The following RBM6 variants were observed in gnomAD, a reference collection of about 807,000 sequenced individuals.
The protein encoded by RBM6 is RNA binding motif protein 6.
In RBM6, 23 loss-of-function variants were observed where a neutral mutation model predicts 140.4. That is an observed-to-expected ratio of 0.16 (90% CI 0.12 to 0.23). The LOEUF (loss-of-function observed/expected upper bound fraction) is 0.23, where lower values mean the gene tolerates loss of function less well. Among genes scored for constraint, RBM6 ranks in the 10% least tolerant of loss-of-function variants. RBM6 has a pLI of 1.00. For missense variants in RBM6, 1,139 were observed against 1,386.7 expected (o/e 0.82, Z 2.84); for synonymous variants, 439 against 475.6 (o/e 0.92, Z 1.00).
intron 6 of RBM6, among the ~76,000 whole-genome samples, chr3:50,003,493 A>C (rs1386586627): frequency 6.6e-6 from 1 of 152,110 alleles, no homozygotes; most frequent in Non-Finnish European, 1.5e-5. Context: ...ACTCTTTGCT[A>C]TTCCGACTCT....
At chr3:49,992,013 A>G (rs1362215550) in intron 5 of RBM6, among the ~76,000 whole-genome samples, 1 of 151,824 alleles carries the variant, frequency 6.6e-6, no homozygotes. Context: ...ATGCAGTGGC[A>G]AAGTCATGGC....
At chr3:50,010,169 G>C (rs1325288706) in intron 6 of RBM6, among the ~76,000 whole-genome samples, 1 of 152,196 alleles carries the variant, frequency 6.6e-6, no homozygotes, top group African/African-American at 2.4e-5. Flanking sequence ...TTACAGGCGT[G>C]AGTGATGGCA....
intron 7 of RBM6, among the ~76,000 whole-genome samples, chr3:50,053,699 T>G (rs2089578071): frequency 6.6e-6 from 1 of 152,218 alleles, no homozygotes; most frequent in Non-Finnish European, 1.5e-5. Context: ...CCCCATGGCA[T>G]TTGGAAGCTC....
intron 1 of RBM6, among the ~76,000 whole-genome samples, chr3:49,944,050 G>A (rs1300439344): frequency 1.3e-5 from 2 of 152,078 alleles, no homozygotes; most frequent in Non-Finnish European, 2.9e-5. Flanking sequence ...CTACTTAGTA[G>A]TAGTAAGTAC....
chr3:50,030,490 T>G (rs187364313), intron 6 of RBM6, among the ~76,000 whole-genome samples: 1 of 152,136 alleles, frequency 6.6e-6, no homozygotes, highest in African/African-American at 2.4e-5. Context: ...TACCTACTTT[T>G]TTCCTACAAC....
At position 50,070,576 on chromosome 3, in the gene RBM6, G is replaced by T. The variant is rs556399444; in HGVS notation, c.3116+24G>T. The T allele has an allele frequency of 1.7e-5, 26 of 1,554,730 alleles. No homozygotes were observed. In the East Asian group the frequency reaches 2.7e-4, roughly 16 times the overall value. ...AGGTAAGCCAGGAACTCTTCATTCA[G>T]CCTAGGCCTCAAGCCTAATGATAAA... On this transcript the variant is annotated intron_variant, in intron 19 of 20. Transcript: ENST00000266022.
intron 18 of RBM6, among the ~76,000 whole-genome samples, chr3:50,069,703 A>G (rs2090238865): frequency 6.6e-6 from 1 of 152,056 alleles, no homozygotes; most frequent in Non-Finnish European, 1.5e-5. Context: ...ACCAAACAAA[A>G]GAATCCACCT....
At position 50,057,788 on chromosome 3, in the gene RBM6, C is replaced by T. The variant is rs763314377; in HGVS notation, c.1754C>T (p.Ala585Val). Residue 585 changes from alanine to valine, a missense_variant, in exon 9 of 21, where the codon GCA becomes GTA. Physicochemically the swap from Ala to Val is moderately conservative, Grantham distance 64 (BLOSUM62 0). Around this residue, in one of 9 missense-constraint regions of RBM6, gnomAD observed 109 missense variants for 101.9 expected, o/e 1.07. Coordinates refer to ENST00000266022, the MANE Select transcript of RBM6 (RefSeq NM_005777.3). ...CAGCCTCAGAAAACATCCATACCAG[C>T]ACCATTGGAAAAACAGCCCAACCAG... ...YPQPQKTSIP[A>V]PLEKQPNQPL... 1 of 1,613,366 alleles carries T rather than the reference C, an allele frequency of 6.2e-7. No individual in the cohort carries two copies. Among genetic ancestry groups the T allele is most frequent in the South Asian group, 1.1e-5 (1 of 91,066 alleles).
rs1428548275 is a variant in RBM6, at chr3:49,968,000, A to G, written c.575A>G (p.His192Arg). The G allele has an allele frequency of 6.2e-7, 1 of 1,614,182 alleles. No homozygotes were observed. Among genetic ancestry groups the G allele is most frequent in the Admixed American group, 1.7e-5 (1 of 60,020 alleles). ...GATTTTAGAGGCCGGGATGGATCCC[A>G]TGCAGATTTTAGGGGAAGGGATTTA... ...DLDFRGRDGSHADFRGRDLSD... is the reference protein window; with the variant it reads ...DLDFRGRDGSRADFRGRDLSD... The change falls in exon 3 of 21, where the codon CAT becomes CGT. Residue 192 changes from histidine to arginine, a missense_variant. His to Arg is a conservative substitution (Grantham distance 29). Coordinates refer to ENST00000266022, the MANE Select transcript of RBM6 (RefSeq NM_005777.3). The surrounding 1 kb of genome is among the most constrained non-coding windows in gnomAD (Gnocchi z 4.0).
Position 50,046,472 on chromosome 3 carries a change from G to A in RBM6, c.1558-1773G>A, listed in dbSNP as rs569751336. Among the ~76,000 whole-genome samples, 3 of 151,582 alleles carry A rather than the reference G, an allele frequency of 2.0e-5. No individual in the cohort carries two copies. The South Asian group carries it at 6.3e-4, about 32-fold the overall frequency. Reference sequence around the variant, plus strand: ...CATATATCTATAATCCCAGCTACTCGGGAGGCTGAGGCAGGAGACTCGCTT... The same window carrying A: ...CATATATCTATAATCCCAGCTACTCAGGAGGCTGAGGCAGGAGACTCGCTT... On this transcript the variant is annotated intron_variant, in intron 6 of 20. Transcript: ENST00000266022.
intron 17 of RBM6, among the ~76,000 whole-genome samples, chr3:50,067,297 C>T (rs569384427): frequency 1.3e-4 from 19 of 150,946 alleles, no homozygotes; most frequent in African/African-American, 4.1e-4. Flanking sequence ...GAATGAATTG[C>T]TCTGGATTAA....
chr3:49,974,040 G>A (rs1389699788), intron 4 of RBM6, among the ~76,000 whole-genome samples: 1 of 151,976 alleles, frequency 6.6e-6, no homozygotes, highest in Non-Finnish European at 1.5e-5. Context: ...TGGGACTACA[G>A]GCATGTGCCA....
At chr3:49,981,303 C>T (rs960669019) in intron 5 of RBM6, among the ~76,000 whole-genome samples, 1 of 152,170 alleles carries the variant, frequency 6.6e-6, no homozygotes, top group Non-Finnish European at 1.5e-5. Context: ...AGAGTGGATC[C>T]TGGACCATCA....
intron 1 of RBM6, among the ~76,000 whole-genome samples, chr3:49,946,175 T>C (rs1461384040): frequency 6.6e-6 from 1 of 152,074 alleles, no homozygotes; most frequent in African/African-American, 2.4e-5. Flanking sequence ...CCTAGCATAC[T>C]GTGTAATATA....
intron 1 of RBM6, among the ~76,000 whole-genome samples, chr3:49,958,277 C>T (rs925487563): frequency 3.4e-5 from 5 of 145,744 alleles, no homozygotes; most frequent in South Asian, 2.6e-4. Context: ...CACAAAAGGC[C>T]GGGTGCGGTG....
intron 6 of RBM6, among the ~76,000 whole-genome samples, chr3:50,011,160 G>C (rs1559582749): frequency 6.6e-6 from 1 of 151,654 alleles, no homozygotes. Context: ...CCAGGAATTC[G>C]AGTGAGCCAT....
intron 16 of RBM6, chr3:50,065,610 C>T (rs779431700): frequency 2.2e-6 from 1 of 457,118 alleles, no homozygotes; most frequent in South Asian, 1.5e-5. Context: ...AACCTAATCA[C>T]CAGTGATTCT....
intron 2 of RBM6, among the ~76,000 whole-genome samples, chr3:49,965,725 G>T (rs2084483552): frequency 6.6e-6 from 1 of 151,460 alleles, no homozygotes; most frequent in Non-Finnish European, 1.5e-5. Context: ...GAACCACATA[G>T]ACATAACTAG....
chr3:50,035,766 A>T lies in RBM6; in HGVS notation c.1558-12479A>T, dbSNP rs550088816. 6.9e-3 allele frequency among the ~76,000 whole-genome samples: 1,023 copies of T among 147,676 alleles called. 11 individuals are homozygous for T. The highest frequency in any genetic ancestry group is 0.02 in the African/African-American group (804 of 40,604). On this transcript the variant is annotated intron_variant, in intron 6 of 20. Coordinates refer to ENST00000266022, the MANE Select transcript of RBM6 (RefSeq NM_005777.3). ...CCTTTTTATGATTTTATTTAAAAAA[A>T]TTTTTTTTTTTTGAGACAGAGTCTC...
Sources: gnomAD v4.1 joint callset for allele counts (sites outside exome capture counted in the v4.1 genomes callset) on GRCh38, gnomAD v4.1.1 for gene constraint, gnomAD v4.1.1 regional missense constraint, Gnocchi (gnomAD v3.1) non-coding constraint, MANE v1.5 for transcripts, NCBI Gene and HGNC (gene_info 2026-07-23, HGNC 2026-07-21) for gene names.